Variants in ATF7IP observed in about 807,000 individuals in gnomAD.
ATF7IP encodes activating transcription factor 7 interacting protein, also known as activating transcription factor 7-interacting protein 1.
A neutral mutation model predicts 106.4 loss-of-function variants in ATF7IP; 23 were observed. That is an observed-to-expected ratio of 0.22 (90% CI 0.16 to 0.31). The LOEUF (loss-of-function observed/expected upper bound fraction) is 0.31. Among genes scored for constraint, ATF7IP ranks in the 10% least tolerant of loss-of-function variants. The pLI is 1.00. For missense variants in ATF7IP, 1,334 were observed against 1,524.3 expected (o/e 0.88, Z 2.08); for synonymous variants, 542 against 539.0 (o/e 1.01, Z -0.08).
chr12:14,416,432 A>G (rs1450353111), intron 1 of ATF7IP, among the ~76,000 whole-genome samples: 2 of 152,222 alleles, frequency 1.3e-5, no homozygotes, highest in East Asian at 3.8e-4. Flanking sequence ...TGCCATGTCC[A>G]CTTAAAAGGT....
chr12:14,383,593 G>T (rs1219444372), intron 1 of ATF7IP, among the ~76,000 whole-genome samples: 2 of 152,036 alleles, frequency 1.3e-5, no homozygotes, highest in African/African-American at 4.8e-5. Context: ...TGGCTCTGTT[G>T]ACTAGGCTGG....
chr12:14,401,251 A>G (rs1055034707), intron 1 of ATF7IP, among the ~76,000 whole-genome samples: 7 of 150,708 alleles, frequency 4.6e-5, no homozygotes, highest in African/African-American at 1.5e-4. Flanking sequence ...GTTGGAATAT[A>G]GTCGTGTGAT....
intron 10 of ATF7IP, among the ~76,000 whole-genome samples, chr12:14,467,115 G>C (rs1943863356): frequency 6.6e-6 from 1 of 152,000 alleles, no homozygotes; most frequent in East Asian, 1.9e-4. Flanking sequence ...CCCGGTAATA[G>C]AATAACTACT....
rs1394340303 is a variant in ATF7IP at position 14,434,357 on chromosome 12, A to G, written c.1579A>G (p.Lys527Glu). The change falls in exon 3 of 15, where the codon AAG becomes GAG. Residue 527 changes from lysine to glutamate, a missense_variant. Lys to Glu is a moderately conservative substitution (Grantham distance 56). Transcript: ENST00000261168. ...CSPAEVESNE[K>E]DNKPEEEEQV... Reference sequence around the variant, plus strand: ...AACAGCAGAAGTAGAAAGTAATGAAAAGGACAACAAACCTGAGGAAGAAGA... The same window carrying G: ...AACAGCAGAAGTAGAAAGTAATGAAGAGGACAACAAACCTGAGGAAGAAGA... 3 of 1,580,842 alleles carry G rather than the reference A, an allele frequency of 1.9e-6. No individual in the cohort carries two copies. In the Admixed American group the frequency reaches 5.1e-5, roughly 27 times the overall value.
At chr12:14,410,337 A>G (rs1940844142) in intron 1 of ATF7IP, among the ~76,000 whole-genome samples, 1 of 152,146 alleles carries the variant, frequency 6.6e-6, no homozygotes, top group African/African-American at 2.4e-5. Context: ...CTTCTGTCCT[A>G]CGTAGGATAT....
chr12:14,437,230 C>T (rs574002337), intron 4 of ATF7IP, among the ~76,000 whole-genome samples: 1 of 152,230 alleles, frequency 6.6e-6, no homozygotes, highest in South Asian at 2.1e-4. Flanking sequence ...TCGATGATAA[C>T]TAGTTTTTCA....
rs868563756 is a variant in ATF7IP at position 14,489,997 on chromosome 12, A to G, written c.3281-6234A>G. Among the ~76,000 whole-genome samples, 4 of 152,344 alleles carry G rather than the reference A, an allele frequency of 2.6e-5. No homozygotes were observed. In the Middle Eastern group the frequency reaches 0.014, roughly 518 times the overall value. ...ATAATTAACCTGCCACCAGGTAGCTAGCTGATCACCCCGAGGAATGGCATG... is the reference window on the plus strand; with the variant it reads ...ATAATTAACCTGCCACCAGGTAGCTGGCTGATCACCCCGAGGAATGGCATG... On this transcript the variant is annotated intron_variant, in intron 13 of 14. Coordinates refer to ENST00000261168, the MANE Select transcript of ATF7IP (RefSeq NM_018179.5).
chr12:14,421,903 G>C (rs1941531466), intron 1 of ATF7IP, among the ~76,000 whole-genome samples: 1 of 152,054 alleles, frequency 6.6e-6, no homozygotes, highest in Non-Finnish European at 1.5e-5. Context: ...AGCTTCACTT[G>C]GTCAGAATTC....
Position 14,460,489 on chromosome 12 carries a change from C to T in ATF7IP, c.2159-6C>T, listed in dbSNP as rs1943595707. On this transcript the variant is annotated splice_region_variant and splice_polypyrimidine_tract_variant and intron_variant, in intron 8 of 14. Coordinates refer to ENST00000261168, the MANE Select transcript of ATF7IP (RefSeq NM_018179.5). ...TTAAACTGAGGCTTCTGTTTTCTTT[C>T]TATAGTATCTTCAACCAATCTTGTC... 2 of 1,605,658 alleles carry T rather than the reference C, an allele frequency of 1.2e-6. No homozygotes were observed. The highest frequency in any genetic ancestry group is 1.7e-5 in the Admixed American group (1 of 58,762).
At chr12:14,416,219 A>T (rs184101279) in intron 1 of ATF7IP, among the ~76,000 whole-genome samples, 340 of 152,336 alleles carry the variant, frequency 2.2e-3, no homozygotes, top group Admixed American at 3.9e-3. Flanking sequence ...TAAAGAATCT[A>T]ATAGCAGAGT....
intron 3 of ATF7IP, 112 bp from the exon 4 acceptor site, chr12:14,435,990 ATAGT>A (rs1942384465): frequency 9.7e-7 from 1 of 1,031,612 alleles, no homozygotes; most frequent in Non-Finnish European, 1.4e-6. Flanking sequence ...AGTTTACAAA[ATAGT>A]TGGTTGAGAA....
chr12:14,494,332 T>TATATTC (rs1158646205), intron 13 of ATF7IP, among the ~76,000 whole-genome samples: 42 of 115,764 alleles, frequency 3.6e-4, no homozygotes, highest in Non-Finnish European at 6.7e-4. Context: ...TATATATATA[T>TATATTC]ATGTGTGTGT....
At chr12:14,494,108 C>T (rs1023233542) in intron 13 of ATF7IP, among the ~76,000 whole-genome samples, 1 of 151,240 alleles carries the variant, frequency 6.6e-6, no homozygotes, top group African/African-American at 2.4e-5. Context: ...TATCAGTGTT[C>T]TCTATACTAT....
At chr12:14,408,140 A>ACACG (rs1315052296) in intron 1 of ATF7IP, among the ~76,000 whole-genome samples, 122 of 151,856 alleles carry the variant, frequency 8.0e-4, no homozygotes, top group Non-Finnish European at 1.1e-3. Context: ...ACACACACAC[A>ACACG]CAAATATATA....
intron 1 of ATF7IP, chr12:14,395,294 G>A (rs151289389): frequency 7.2e-6 from 1 of 139,780 alleles, no homozygotes; most frequent in Non-Finnish European, 1.5e-5. Flanking sequence ...CTACCCCCCA[G>A]GCTTTATGTT....
intron 1 of ATF7IP, among the ~76,000 whole-genome samples, chr12:14,392,881 T>C (rs1465865428): frequency 6.6e-6 from 1 of 152,234 alleles, no homozygotes; most frequent in African/African-American, 2.4e-5. Flanking sequence ...TATGCCTTAT[T>C]TTTAATTTCA....
At chr12:14,369,228 C>G (rs528610060) in intron 1 of ATF7IP, 6 of 152,066 alleles carry the variant, frequency 3.9e-5, no homozygotes, top group African/African-American at 1.4e-4. Flanking sequence ...GCTGAGATTA[C>G]AAGCATGAGC....
chr12:14,464,926 A>T (rs936710713), intron 9 of ATF7IP, among the ~76,000 whole-genome samples: 3 of 152,214 alleles, frequency 2.0e-5, no homozygotes, highest in African/African-American at 7.2e-5. Context: ...GACAAAAAAT[A>T]AAAATGAGGC....
intron 13 of ATF7IP, among the ~76,000 whole-genome samples, chr12:14,487,553 TA>T (rs1196242458): frequency 1.3e-5 from 2 of 152,162 alleles, no homozygotes; most frequent in Non-Finnish European, 2.9e-5. Context: ...TCAGGGAGGG[TA>T]CGTTGCCCTC....
Sources: allele counts gnomAD v4.1 joint callset (sites outside exome capture counted in the v4.1 genomes callset), GRCh38; gene constraint gnomAD v4.1.1; transcripts MANE v1.5; gene names NCBI Gene and HGNC (gene_info 2026-07-23, HGNC 2026-07-21).